SEC63: variants seen among roughly 807,000 people sequenced by gnomAD.
The protein encoded by SEC63 is SEC63 protein translocation regulator.
A neutral mutation model predicts 116.2 loss-of-function variants in SEC63; 56 were observed. That is an observed-to-expected ratio of 0.48 (90% CI 0.39 to 0.60). The LOEUF (loss-of-function observed/expected upper bound fraction) is 0.60, where lower values mean the gene tolerates loss of function less well. Ranked by LOEUF, SEC63 falls within the 20% of genes least tolerant of loss-of-function variation. The pLI is 0.00. For synonymous variants in SEC63, 273 were observed against 294.6 expected, an observed-to-expected ratio of 0.93 and a Z score of 0.75; for missense variants, 668 against 900.0, an observed-to-expected ratio of 0.74 and a Z score of 3.30.
intron 3 of SEC63, among the ~76,000 whole-genome samples, chr6:107,923,580 C>T (rs1258223537): frequency 6.6e-6 from 1 of 152,128 alleles, no homozygotes; most frequent in Non-Finnish European, 1.5e-5. Flanking sequence ...GGCTAGAGTG[C>T]AATGGTGCGG....
At chr6:107,902,053 G>A (rs1051140224) in intron 12 of SEC63, among the ~76,000 whole-genome samples, 2 of 151,984 alleles carry the variant, frequency 1.3e-5, no homozygotes, top group Admixed American at 6.6e-5. Context: ...ACTTAGGAGC[G>A]TGTTCTTTAA....
In SEC63 at chr6:107,942,888, T is replaced by C. The variant is rs908621815; in HGVS notation, c.125-13374A>G. Among the ~76,000 whole-genome samples the C allele has an allele frequency of 2.6e-5, 4 of 152,266 alleles. No homozygotes were observed. The East Asian group carries it at 7.7e-4, about 29-fold the overall frequency. On this transcript the variant is annotated intron_variant, in intron 1 of 20. Coordinates refer to ENST00000369002, the MANE Select transcript of SEC63 (RefSeq NM_007214.5). ...TAAGTTTATGTCACCTGTTTACAAGTTGCAGACCTCAATCTACAGTATATA... is the reference window on the plus strand; with the variant it reads ...TAAGTTTATGTCACCTGTTTACAAGCTGCAGACCTCAATCTACAGTATATA...
At chr6:107,895,256 T>C (rs190319491) in intron 14 of SEC63, among the ~76,000 whole-genome samples, 209 of 152,330 alleles carry the variant, frequency 1.4e-3, no homozygotes, top group Admixed American at 3.2e-3. Context: ...CCAAAGGATA[T>C]GGGTAGTCTA....
chr6:107,937,092 T>C (rs1562337290), intron 1 of SEC63, among the ~76,000 whole-genome samples: 1 of 152,038 alleles, frequency 6.6e-6, no homozygotes, highest in Non-Finnish European at 1.5e-5. Flanking sequence ...TTTTAATGGC[T>C]GTGTAGTATT....
chr6:107,950,127 AG>A (rs953539694), intron 1 of SEC63, among the ~76,000 whole-genome samples: 1 of 152,236 alleles, frequency 6.6e-6, no homozygotes, highest in Non-Finnish European at 1.5e-5. Context: ...ACCAAAAGAT[AG>A]CAGGGTGGTG....
chr6:107,930,385 C>CA (rs1787773726), intron 1 of SEC63, among the ~76,000 whole-genome samples: 1 of 151,458 alleles, frequency 6.6e-6, no homozygotes, highest in South Asian at 2.1e-4. Flanking sequence ...CTGAGGCGGG[C>CA]AGATCACCTG....
At chr6:107,876,883 T>TTCA in intron 18 of SEC63, 1 of 508,834 alleles carries the variant, frequency 2.0e-6, no homozygotes, top group Non-Finnish European at 3.5e-6. Flanking sequence ...TTTTGGGGAT[T>TTCA]TCAATAGCTC....
chr6:107,914,383 A>G (rs909949113), intron 4 of SEC63, among the ~76,000 whole-genome samples: 1 of 152,120 alleles, frequency 6.6e-6, no homozygotes, highest in African/African-American at 2.4e-5. Context: ...TTAAGAGGCA[A>G]TGTAGTTTCT....
chr6:107,905,300 T>C (rs746926864), intron 10 of SEC63, among the ~76,000 whole-genome samples: 14 of 152,224 alleles, frequency 9.2e-5, no homozygotes, highest in Non-Finnish European at 1.9e-4. Flanking sequence ...TAATTGAGTA[T>C]TTCAAAGCAA....
At chr6:107,917,778 G>T (rs1334701296) in intron 4 of SEC63, among the ~76,000 whole-genome samples, 3 of 152,192 alleles carry the variant, frequency 2.0e-5, no homozygotes, top group Non-Finnish European at 4.4e-5. Context: ...AGGTGAGGGA[G>T]CTGCAGAAGC....
chr6:107,888,663 C>T (rs1035500067), intron 16 of SEC63, among the ~76,000 whole-genome samples: 13 of 152,124 alleles, frequency 8.5e-5, no homozygotes, highest in African/African-American at 3.1e-4. Context: ...GCATCCTTGT[C>T]TTGTGCTGGT....
In SEC63 at chr6:107,876,558, A is replaced by C. The variant is rs1786271811; in HGVS notation, c.2034+6T>G. The C allele has an allele frequency of 4.6e-6, 7 of 1,530,802 alleles. No homozygotes were observed. The African/African-American group carries it at 5.5e-5, about 12-fold the overall frequency. 94.8% of individuals were successfully genotyped at this position (1,530,802 alleles called of 1,614,324 possible). Reference sequence around the variant, plus strand: ...AAACACTGAAATCATGTTGCTTGATAGTTACCTCCTCTGTATCTTTCAGCG... The same window carrying C: ...AAACACTGAAATCATGTTGCTTGATCGTTACCTCCTCTGTATCTTTCAGCG... On this transcript the variant is annotated splice_donor_region_variant and intron_variant, in intron 19 of 20. Transcript: ENST00000369002.
intron 4 of SEC63, 65 bp from the exon 5 acceptor site, chr6:107,913,492 G>A: frequency 2.7e-6 from 3 of 1,113,894 alleles, no homozygotes; most frequent in Non-Finnish European, 4.1e-6. Context: ...TACTCATATA[G>A]ACAAACTCCA....
intron 16 of SEC63, 44 bp downstream of exon 16, chr6:107,893,438 A>G: frequency 6.4e-7 from 1 of 1,566,046 alleles, no homozygotes; most frequent in Non-Finnish European, 8.8e-7. Context: ...TTTAGTTTGT[A>G]TATTTTAGCT....
chr6:107,902,671 C>T (rs549826969), intron 12 of SEC63, among the ~76,000 whole-genome samples, 173 bp downstream of exon 12: 1 of 152,168 alleles, frequency 6.6e-6, no homozygotes, highest in East Asian at 1.9e-4. Context: ...TAAAACACAG[C>T]TACCTAGTCA....
chr6:107,918,086 A>G (rs1787455838), intron 4 of SEC63, among the ~76,000 whole-genome samples: 1 of 152,198 alleles, frequency 6.6e-6, no homozygotes, highest in Non-Finnish European at 1.5e-5. Context: ...TTTAACTTGA[A>G]GCCAATGCTG....
At chr6:107,873,046 C>A in intron 19 of SEC63, 134 bp from the exon 20 acceptor site, 3 of 672,276 alleles carry the variant, frequency 4.5e-6, no homozygotes, top group South Asian at 3.3e-5. Context: ...ATAAATGTTA[C>A]TAAAGTCCTT....
Position 107,921,662 on chromosome 6 carries a change from G to T in SEC63, c.452+135C>A, listed in dbSNP as rs187022494. The T allele has an allele frequency of 9.0e-5, 64 of 708,682 alleles. No individual in the cohort carries two copies. In the African/African-American group the frequency reaches 9.3e-4, roughly 10 times the overall value. The allele number at this position is 708,682 out of a possible 1,614,324, so 43.9% of individuals were successfully genotyped here. ...AGATGGGGTCTTGGTATGTTGCCAG[G>T]GATGGTCTCAAACTCCTGGGCTCAA... On this transcript the variant is annotated intron_variant, in intron 4 of 20. Coordinates refer to ENST00000369002, the MANE Select transcript of SEC63 (RefSeq NM_007214.5).
chr6:107,900,639 C>A (rs772449431), intron 13 of SEC63, among the ~76,000 whole-genome samples: 10 of 152,000 alleles, frequency 6.6e-5, no homozygotes, highest in Non-Finnish European at 7.4e-5. Context: ...CAGAGTGAGA[C>A]CCTGTCTCAA....
Sources: gnomAD v4.1 joint callset for allele counts (sites outside exome capture counted in the v4.1 genomes callset) on GRCh38, gnomAD v4.1.1 for gene constraint, MANE v1.5 for transcripts, NCBI Gene and HGNC (gene_info 2026-07-23, HGNC 2026-07-21) for gene names.